KDM2A: variants seen among roughly 807,000 people sequenced by gnomAD.
KDM2A encodes the protein lysine-specific demethylase 2A.
In KDM2A, 3 loss-of-function variants were observed where a neutral mutation model predicts 137.3. That is an observed-to-expected ratio of 0.02 (90% CI 0.01 to 0.06). The LOEUF is 0.06. KDM2A is among the 10% of genes least tolerant of loss of function. The probability of loss-of-function intolerance (pLI) is 1.00; values close to 1 mark genes in which losing one functional copy is unlikely to be tolerated. For missense variants in KDM2A, 738 were observed against 1,510.6 expected (o/e 0.49, Z 8.48); for synonymous variants, 512 against 541.5 (o/e 0.95, Z 0.76).
intron 10 of KDM2A, among the ~76,000 whole-genome samples, chr11:67,220,608 T>C (rs1399388550): frequency 4.6e-5 from 7 of 152,196 alleles, no homozygotes; most frequent in Admixed American, 1.3e-4. Context: ...ACACAGCTAA[T>C]ACCCTTCTAG....
intron 5 of KDM2A, among the ~76,000 whole-genome samples, chr11:67,200,427 C>T (rs183245742): frequency 4.2e-4 from 64 of 152,292 alleles, no homozygotes; most frequent in African/African-American, 1.5e-3. Flanking sequence ...CCATGTTAGC[C>T]AGGATGATCG....
intron 5 of KDM2A, among the ~76,000 whole-genome samples, chr11:67,185,120 A>G (rs1188127178): frequency 1.3e-5 from 2 of 152,214 alleles, no homozygotes; most frequent in Non-Finnish European, 2.9e-5. Flanking sequence ...AAGTCAAGGA[A>G]GTAATGTATG....
chr11:67,217,454 A>C, intron 8 of KDM2A: 1 of 418,150 alleles, frequency 2.4e-6, no homozygotes, highest in East Asian at 5.0e-5. Context: ...GGGACTGCCT[A>C]GGTAATGAGC....
At chr11:67,216,437 C>G (rs1309946467) in intron 8 of KDM2A, among the ~76,000 whole-genome samples, 4 of 152,168 alleles carry the variant, frequency 2.6e-5, no homozygotes, top group Admixed American at 2.6e-4. Flanking sequence ...GAAGGATTAT[C>G]TTTATTCATT....
intron 18 of KDM2A, 32 bp from the exon 19 acceptor site, chr11:67,253,421 T>C (rs1286617613): frequency 3.8e-6 from 6 of 1,597,976 alleles, no homozygotes; most frequent in African/African-American, 1.3e-5. Flanking sequence ...GGAAACAGTG[T>C]ATTATTACAT....
At position 67,245,875 on chromosome 11, in the gene KDM2A, T is replaced by G; in HGVS notation, c.1834-110T>G. 5 of 1,243,066 alleles carry G rather than the reference T, an allele frequency of 4.0e-6. No individual in the cohort carries two copies. Among genetic ancestry groups the G allele is most frequent in the Non-Finnish European group, 5.6e-6 (5 of 888,056 alleles). The allele number at this position is 1,243,066 out of a possible 1,614,324, so 77.0% of individuals were successfully genotyped here. On this transcript the variant is annotated intron_variant, in intron 14 of 20. Coordinates refer to ENST00000529006, the MANE Select transcript of KDM2A (RefSeq NM_012308.3). The surrounding 1 kb of genome is among the most constrained non-coding windows in gnomAD (Gnocchi z 4.1). The stretch of plus-strand genomic sequence containing the variant: ...TCCACCCTGCCTCCATGCTTCCAGG[T>G]GTTTAGTAGAGAATTATAGGACCCA...
At chr11:67,243,355 G>C (rs1264182421) in intron 13 of KDM2A, among the ~76,000 whole-genome samples, 1 of 152,204 alleles carries the variant, frequency 6.6e-6, no homozygotes, top group Non-Finnish European at 1.5e-5. Flanking sequence ...TTGTGCATCC[G>C]CTTCTATCCT....
intron 10 of KDM2A, among the ~76,000 whole-genome samples, chr11:67,227,573 T>G (rs956765389): frequency 6.6e-6 from 1 of 152,252 alleles, no homozygotes; most frequent in East Asian, 1.9e-4. Context: ...AGTACCTTTT[T>G]TTGTTGTTGT....
intron 10 of KDM2A, among the ~76,000 whole-genome samples, chr11:67,222,059 C>CTTTTTTTTTTTTTT (rs11373238): frequency 1.2e-4 from 13 of 110,458 alleles, no homozygotes; most frequent in Middle Eastern, 5.1e-3. Flanking sequence ...CTCTGTCATT[C>CTTTTTTTTTTTTTT]TTTTTTTTTT....
intron 13 of KDM2A, among the ~76,000 whole-genome samples, chr11:67,244,592 G>A (rs143638903): frequency 6.6e-6 from 1 of 152,202 alleles, no homozygotes; most frequent in African/African-American, 2.4e-5. Flanking sequence ...CTAGGACAAG[G>A]GCTGGTAAAT....
intron 6 of KDM2A, 30 bp downstream of exon 6, chr11:67,207,718 AT>A (rs1565404442): frequency 3.1e-5 from 47 of 1,533,550 alleles, no homozygotes; most frequent in Non-Finnish European, 4.1e-5. Context: ...TCATATTGTC[AT>A]TGTCACCAAA....
intron 16 of KDM2A, chr11:67,248,625 G>A: frequency 2.4e-6 from 1 of 415,702 alleles, no homozygotes; most frequent in African/African-American, 2.1e-5. Context: ...TTATACTCTG[G>A]GGCCCTACAA....
intron 2 of KDM2A, among the ~76,000 whole-genome samples, chr11:67,155,767 C>T (rs1169677601): frequency 1.3e-5 from 2 of 151,318 alleles, no homozygotes; most frequent in Non-Finnish European, 2.9e-5. Flanking sequence ...CAGGCATGTG[C>T]CACCATACCC....
intron 10 of KDM2A, among the ~76,000 whole-genome samples, chr11:67,224,201 G>A (rs1287151922): frequency 1.3e-5 from 2 of 152,164 alleles, no homozygotes. Flanking sequence ...TTTGTAAACG[G>A]GTAGGTGAAG....
chr11:67,217,220 C>A lies in KDM2A; in HGVS notation c.688-511C>A, dbSNP rs901432388. Among the ~76,000 whole-genome samples, 12 of 132,372 alleles carry A rather than the reference C, an allele frequency of 9.1e-5. No homozygotes were observed. In the Admixed American group the frequency reaches 9.4e-4, roughly 10 times the overall value. 86.8% of individuals were successfully genotyped at this position (132,372 alleles called of 152,430 possible). On this transcript the variant is annotated intron_variant, in intron 8 of 20. Coordinates refer to ENST00000529006, the MANE Select transcript of KDM2A (RefSeq NM_012308.3). ...TTGTGCCACTGCACTCCAGCCTGGA[C>A]TACAAGAGTGAAACTCTGTCAAAAA...
chr11:67,216,692 G>A (rs1300565345), intron 8 of KDM2A, among the ~76,000 whole-genome samples: 3 of 152,066 alleles, frequency 2.0e-5, no homozygotes, highest in Admixed American at 6.6e-5. Flanking sequence ...AGGCCAAGGC[G>A]GGCGGATCAG....
intron 6 of KDM2A, among the ~76,000 whole-genome samples, chr11:67,212,233 G>A (rs990674211): frequency 6.6e-6 from 1 of 152,222 alleles, no homozygotes; most frequent in Non-Finnish European, 1.5e-5. Flanking sequence ...TTTGGAGGAA[G>A]TGGTGCCTAA....
At chr11:67,216,352 C>T (rs1858160185) in intron 8 of KDM2A, among the ~76,000 whole-genome samples, 1 of 152,122 alleles carries the variant, frequency 6.6e-6, no homozygotes, top group African/African-American at 2.4e-5. Flanking sequence ...ACCAACTTTC[C>T]CTCTATGTAG....
chr11:67,173,360 G>A (rs899234821), intron 2 of KDM2A, among the ~76,000 whole-genome samples: 2 of 152,172 alleles, frequency 1.3e-5, no homozygotes, highest in African/African-American at 2.4e-5. Flanking sequence ...TACCTCAGGT[G>A]ATCCGCCCGC....
Sources: gnomAD v4.1 joint callset for allele counts (sites outside exome capture counted in the v4.1 genomes callset) on GRCh38, gnomAD v4.1.1 for gene constraint, Gnocchi (gnomAD v3.1) non-coding constraint, MANE v1.5 for transcripts, NCBI Gene and HGNC (gene_info 2026-07-23, HGNC 2026-07-21) for gene names.